PDE8B: variants seen among roughly 807,000 people sequenced by gnomAD.
PDE8B encodes phosphodiesterase 8B, also known as high affinity cAMP-specific and IBMX-insensitive 3',5'-cyclic phosphodiesterase 8B.
PDE8B carries 26 observed loss-of-function variants against 101.3 expected under a neutral mutation model. That is an observed-to-expected ratio of 0.26 (90% CI 0.19 to 0.36). The LOEUF (loss-of-function observed/expected upper bound fraction) is 0.36. PDE8B is among the 10% of genes least tolerant of loss of function. PDE8B has a pLI of 1.00. For missense variants in PDE8B, 810 were observed against 1,163.1 expected (o/e 0.70, Z 4.42); for synonymous variants, 424 against 429.3 (o/e 0.99, Z 0.15).
chr5:77,386,602 C>T (rs1788683035), intron 10 of PDE8B, among the ~76,000 whole-genome samples: 1 of 151,902 alleles, frequency 6.6e-6, no homozygotes, highest in South Asian at 2.1e-4. Flanking sequence ...ATTGCAACCC[C>T]TGGTTTTTTT....
In PDE8B at chr5:77,425,850, C is replaced by A. The variant is rs770331588; in HGVS notation, c.2502C>A (p.Ile834=). Residue 834 remains isoleucine (I), a synonymous_variant, in exon 21 of 22, where the codon ATC becomes ATA. Transcript: ENST00000264917. ...RNTCSIPKSQ[I]SFIDYFITDM... The stretch of plus-strand genomic sequence containing the variant: ...CCTGTAGCATCCCCAAGTCTCAGAT[C>A]TCTTTCATTGACTACTTCATAACAG... 14 of 1,613,330 alleles carry A rather than the reference C, an allele frequency of 8.7e-6. No homozygotes were observed. The highest frequency in any genetic ancestry group is 1.2e-5 in the Non-Finnish European group (14 of 1,179,246).
chr5:77,367,211 A>C (rs116251822), intron 10 of PDE8B, among the ~76,000 whole-genome samples: 8 of 152,106 alleles, frequency 5.3e-5, no homozygotes, highest in Non-Finnish European at 7.4e-5. Flanking sequence ...ATAAAAAGGA[A>C]AGGGAAGAGA....
chr5:77,397,316 CA>C (rs1791292564), intron 10 of PDE8B, among the ~76,000 whole-genome samples: 1 of 151,986 alleles, frequency 6.6e-6, no homozygotes. Flanking sequence ...AGGAGTGAGC[CA>C]CTGTGCCCAG....
At chr5:77,417,902 A>T (rs1320533600) in intron 17 of PDE8B, among the ~76,000 whole-genome samples, 2 of 152,208 alleles carry the variant, frequency 1.3e-5, no homozygotes, top group Non-Finnish European at 2.9e-5. Context: ...TTGTGATCAC[A>T]GGCCACTTTC....
chr5:77,094,516 G>A, the PDE8B span, among the ~76,000 whole-genome samples: 2 of 152,110 alleles, frequency 1.3e-5, no homozygotes, highest in African/African-American at 4.8e-5. Context: ...ATGTTGCCCA[G>A]GCTGGTCTTG....
intron 15 of PDE8B, 86 bp from the exon 16 acceptor site, chr5:77,412,014 G>T (rs1420792984): frequency 2.9e-6 from 4 of 1,374,998 alleles, no homozygotes; most frequent in Admixed American, 1.7e-5. Flanking sequence ...TTTTTTTCTA[G>T]TAGTAACTAT....
At chr5:77,222,604 A>G (rs532434300) in intron 1 of PDE8B, among the ~76,000 whole-genome samples, 18 of 152,286 alleles carry the variant, frequency 1.2e-4, no homozygotes, top group African/African-American at 2.4e-5. Context: ...AATATGACAT[A>G]GTTCCACGTT....
At chr5:77,354,224 G>A (rs542057515) in intron 10 of PDE8B, among the ~76,000 whole-genome samples, 4 of 152,306 alleles carry the variant, frequency 2.6e-5, no homozygotes, top group Admixed American at 6.5e-5. Flanking sequence ...AGATCAACTG[G>A]AACCAGCAGG....
the PDE8B span, among the ~76,000 whole-genome samples, chr5:77,197,284 A>T: frequency 6.8e-6 from 1 of 146,996 alleles, no homozygotes; most frequent in African/African-American, 2.5e-5. Context: ...GCTAATTTAA[A>T]TTTTTTTTTT....
the PDE8B span, chr5:77,111,902 A>G: frequency 1.3e-5 from 2 of 152,100 alleles, no homozygotes; most frequent in African/African-American, 2.4e-5. Context: ...TCTCCCACCC[A>G]GCTAAATCCT....
chr5:77,386,490 G>C (rs1420214562), intron 10 of PDE8B, among the ~76,000 whole-genome samples: 1 of 152,202 alleles, frequency 6.6e-6, no homozygotes, highest in African/African-American at 2.4e-5. Context: ...AATTAGGATA[G>C]TTAGCTCTTC....
the PDE8B span, among the ~76,000 whole-genome samples, chr5:77,101,220 C>T: frequency 6.6e-6 from 1 of 151,884 alleles, no homozygotes; most frequent in Non-Finnish European, 1.5e-5. Flanking sequence ...ATCCTCCTGC[C>T]TCAGTCTCCC....
At chr5:77,168,547 G>A in the PDE8B span, among the ~76,000 whole-genome samples, 1 of 152,266 alleles carries the variant, frequency 6.6e-6, no homozygotes, top group African/African-American at 2.4e-5. Context: ...GAGCAGAGCT[G>A]GATCTGGATG....
At chr5:77,412,553 A>T (rs1581566505) in intron 16 of PDE8B, among the ~76,000 whole-genome samples, 1 of 147,666 alleles carries the variant, frequency 6.8e-6, no homozygotes, top group Non-Finnish European at 1.5e-5. Flanking sequence ...AGCACTATAG[A>T]TTTTTTTTTT....
chr5:77,294,567 G>A (rs1371157185), intron 1 of PDE8B, among the ~76,000 whole-genome samples: 4 of 151,318 alleles, frequency 2.6e-5, no homozygotes, highest in South Asian at 2.1e-4. Context: ...AGAACAGGAC[G>A]AATGCAAATT....
At chr5:77,137,203 T>G in the PDE8B span, among the ~76,000 whole-genome samples, 2 of 152,222 alleles carry the variant, frequency 1.3e-5, no homozygotes, top group Non-Finnish European at 2.9e-5. Context: ...CATCTTAAGC[T>G]GAAAGTCTTC....
At chr5:77,345,011 T>G in intron 7 of PDE8B, 80 bp downstream of exon 7, 2 of 888,148 alleles carry the variant, frequency 2.3e-6, no homozygotes, top group Non-Finnish European at 1.9e-6. Context: ...TCAAGTACTT[T>G]CCCATCATCC....
chr5:77,279,006 T>A (rs1764414562), intron 1 of PDE8B, among the ~76,000 whole-genome samples: 2 of 152,204 alleles, frequency 1.3e-5, no homozygotes, highest in Admixed American at 1.3e-4. Context: ...TGAAACAAAG[T>A]GAATATACAC....
intron 6 of PDE8B, among the ~76,000 whole-genome samples, chr5:77,342,005 T>A (rs1444325772): frequency 6.6e-6 from 1 of 152,200 alleles, no homozygotes. Context: ...CACACTGATA[T>A]CTTCATTTCT....
Sources: gnomAD v4.1 joint callset for allele counts (sites outside exome capture counted in the v4.1 genomes callset) on GRCh38, gnomAD v4.1.1 for gene constraint, MANE v1.5 for transcripts, NCBI Gene and HGNC (gene_info 2026-07-23, HGNC 2026-07-21) for gene names.